The following RANBP3L variants were observed in gnomAD, a reference collection of about 807,000 sequenced individuals.
RANBP3L encodes ran-binding protein 3-like.
Under a neutral mutation model 67.2 loss-of-function variants are expected in RANBP3L, and 56 were observed. That is an observed-to-expected ratio of 0.83 (90% CI 0.67 to 1.04). RANBP3L has a LOEUF of 1.04. Among genes scored for constraint, RANBP3L ranks in the 50% least tolerant of loss-of-function variants. The probability of loss-of-function intolerance (pLI) is 0.00; values close to 1 mark genes in which losing one functional copy is unlikely to be tolerated. For missense variants in RANBP3L, 496 were observed against 535.5 expected (o/e 0.93, Z 0.73); for synonymous variants, 164 against 181.4 (o/e 0.90, Z 0.77).
chr5:36,289,869 T>A (rs1751590829), intron 1 of RANBP3L, among the ~76,000 whole-genome samples: 1 of 135,416 alleles, frequency 7.4e-6, no homozygotes, highest in South Asian at 2.1e-4. Flanking sequence ...GTAAGCCTTT[T>A]ATTTCTTTTT....
At chr5:36,284,767 G>T (rs1020624300) in intron 1 of RANBP3L, among the ~76,000 whole-genome samples, 2 of 152,214 alleles carry the variant, frequency 1.3e-5, no homozygotes, top group African/African-American at 4.8e-5. Context: ...GCTGCTAGGT[G>T]TGCACTGATA....
chr5:36,266,292 CA>C (rs1749780516), intron 4 of RANBP3L, among the ~76,000 whole-genome samples: 1 of 152,124 alleles, frequency 6.6e-6, no homozygotes, highest in Non-Finnish European at 1.5e-5. Context: ...TATTTTTCTA[CA>C]AACATGTTGG....
At chr5:36,252,998 G>GT (rs1048309172) in intron 12 of RANBP3L, among the ~76,000 whole-genome samples, 42 of 151,804 alleles carry the variant, frequency 2.8e-4, no homozygotes, top group Middle Eastern at 3.4e-3. Flanking sequence ...GGGAAATCCA[G>GT]TTTTTTTTGA....
At chr5:36,283,510 G>T (rs1286819757) in intron 1 of RANBP3L, among the ~76,000 whole-genome samples, 1 of 150,722 alleles carries the variant, frequency 6.6e-6, no homozygotes, top group Non-Finnish European at 1.5e-5. Flanking sequence ...GTACTGGTAT[G>T]GGTCTTGCCT....
At chr5:36,252,651 A>G (rs1307084108) in intron 12 of RANBP3L, among the ~76,000 whole-genome samples, 3 of 152,098 alleles carry the variant, frequency 2.0e-5, no homozygotes, top group Admixed American at 6.6e-5. Flanking sequence ...GTTAATAGTG[A>G]CCATCTCTGA....
intron 1 of RANBP3L, among the ~76,000 whole-genome samples, chr5:36,292,901 T>C (rs1751907998): frequency 1.3e-5 from 2 of 151,330 alleles, no homozygotes; most frequent in African/African-American, 2.4e-5. Flanking sequence ...TTTGGTTCCA[T>C]ATGAACTTTA....
intron 1 of RANBP3L, among the ~76,000 whole-genome samples, chr5:36,287,146 A>G (rs1751383994): frequency 6.6e-6 from 1 of 152,138 alleles, no homozygotes. Flanking sequence ...CTTCACATGC[A>G]CAGTTCACAA....
chr5:36,258,527 G>T (rs1579685381), intron 8 of RANBP3L, among the ~76,000 whole-genome samples: 1 of 152,104 alleles, frequency 6.6e-6, no homozygotes, highest in South Asian at 2.1e-4. Context: ...CAAATCACAA[G>T]GCCAAAAATT....
chr5:36,270,767 G>A (rs1750150748), intron 2 of RANBP3L, among the ~76,000 whole-genome samples: 1 of 152,128 alleles, frequency 6.6e-6, no homozygotes, highest in African/African-American at 2.4e-5. Context: ...AAACATGCGG[G>A]GATTACAGGC....
chr5:36,271,931 C>G (rs895594730), intron 1 of RANBP3L, among the ~76,000 whole-genome samples: 1 of 152,024 alleles, frequency 6.6e-6, no homozygotes, highest in Non-Finnish European at 1.5e-5. Flanking sequence ...GAGAGAAACT[C>G]ATTCATTCTA....
At position 36,301,383 on chromosome 5, in the gene RANBP3L, G is replaced by C. The variant is rs768607542; in HGVS notation, c.34C>G (p.Leu12Val). ...TTACAGGTGTGCAAACTGCCAGGCA[G>C]GTGGCTGCTGCCTTTTCTTGGTATG... ...TTIPRKGSSH[L>V]PGSLHTCKLK... is the part of the protein sequence containing the mutation. Residue 12 changes from leucine to valine, a missense_variant, in exon 1 of 14, where the codon CTG becomes GTG. Physicochemically the swap from Leu to Val is conservative, Grantham distance 32. Transcript: ENST00000296604. The C allele has an allele frequency of 4.3e-6, 7 of 1,613,744 alleles. 1 individual carries two copies. The South Asian group carries it at 6.6e-5, about 15-fold the overall frequency.
chr5:36,292,375 C>A (rs570107184), intron 1 of RANBP3L, among the ~76,000 whole-genome samples: 1 of 151,740 alleles, frequency 6.6e-6, no homozygotes, highest in South Asian at 2.1e-4. Context: ...ATGGTAGTTT[C>A]TTTTGCTGTG....
At chr5:36,275,471 T>C (rs536718702) in intron 1 of RANBP3L, among the ~76,000 whole-genome samples, 144 of 152,296 alleles carry the variant, frequency 9.5e-4, no homozygotes, top group African/African-American at 3.3e-3. Flanking sequence ...AAATGTATGA[T>C]ATGTGACATA....
At position 36,271,316 on chromosome 5, in the gene RANBP3L, GA is replaced by G. The variant is rs137974479; in HGVS notation, c.92-6del. 52 of 1,544,024 alleles carry G rather than the reference GA, an allele frequency of 3.4e-5. No homozygotes were observed. Among genetic ancestry groups the G allele is most frequent in the Admixed American group, 5.2e-5 (3 of 57,756 alleles). On this transcript the variant is annotated splice_region_variant and splice_polypyrimidine_tract_variant and intron_variant, in intron 1 of 13. Transcript: ENST00000296604. Reference sequence around the variant, plus strand: ...GTTGAGCAATGACAGATTTTTCTGTGAAAAAAAAGAAAACAGGCAAGAAATC... The same window carrying G: ...GTTGAGCAATGACAGATTTTTCTGTGAAAAAAAGAAAACAGGCAAGAAATC...
intron 1 of RANBP3L, among the ~76,000 whole-genome samples, chr5:36,292,146 G>T (rs1216215402): frequency 1.3e-5 from 2 of 152,020 alleles, no homozygotes; most frequent in East Asian, 1.9e-4. Context: ...TTCTCTGATG[G>T]CCAGTGATGG....
chr5:36,278,114 G>A (rs1201587025), intron 1 of RANBP3L, among the ~76,000 whole-genome samples: 1 of 152,144 alleles, frequency 6.6e-6, no homozygotes, highest in Non-Finnish European at 1.5e-5. Flanking sequence ...TGGGGACACA[G>A]CCAAACAATA....
intron 12 of RANBP3L, among the ~76,000 whole-genome samples, chr5:36,252,577 T>C (rs1748670589): frequency 6.6e-6 from 1 of 152,104 alleles, no homozygotes; most frequent in Non-Finnish European, 1.5e-5. Context: ...CTATGCTACA[T>C]ATATGTATGT....
Position 36,251,475 on chromosome 5 carries a change from A to G in RANBP3L, c.1192T>C (p.Leu398=), listed in dbSNP as rs779638907. 1 of 1,611,990 alleles carries G rather than the reference A, an allele frequency of 6.2e-7. No individual in the cohort carries two copies. Among genetic ancestry groups the G allele is most frequent in the African/African-American group, 1.3e-5 (1 of 74,862 alleles). Reference sequence around the variant, plus strand: ...AGACGATGATGTATTGCTGCATACAAATATGCTGTATCTTGGGCACTGGCC... The same window carrying G: ...AGACGATGATGTATTGCTGCATACAGATATGCTGTATCTTGGGCACTGGCC... ...IQASAQDTAY[L]YAAIHHRLVA... is the part of the protein sequence containing the mutation. Residue 398 remains leucine, a synonymous_variant, in exon 13 of 14, where the codon TTG becomes CTG. Coordinates refer to ENST00000296604, the MANE Select transcript of RANBP3L (RefSeq NM_145000.5).
Position 36,262,142 on chromosome 5 carries a change from T to C in RANBP3L, c.481-100A>G. On this transcript the variant is annotated intron_variant, in intron 6 of 13. Coordinates refer to ENST00000296604, the MANE Select transcript of RANBP3L (RefSeq NM_145000.5). ...GTTATAGTTAAATATATTGAAAGCT[T>C]ACTATGTTTAAGTACTGCCTTAAGC... is the stretch of plus-strand genomic sequence containing the variant. The C allele has an allele frequency of 6.2e-6, 4 of 645,710 alleles. No individual in the cohort carries two copies. The East Asian group carries it at 7.8e-5, about 13-fold the overall frequency. The allele number at this position is 645,710 out of a possible 1,614,324, so 40.0% of individuals were successfully genotyped here. A position where few individuals can be genotyped will look rare whatever the true frequency, so the allele number is the denominator to read the frequency against.
Sources: allele counts gnomAD v4.1 joint callset (sites outside exome capture counted in the v4.1 genomes callset), GRCh38; gene constraint gnomAD v4.1.1; transcripts MANE v1.5; gene names NCBI Gene and HGNC (gene_info 2026-07-23, HGNC 2026-07-21).